Variants in PCDHA10 observed in about 807,000 individuals in gnomAD.
PCDHA10 encodes the protein protocadherin alpha-10.
In PCDHA10, 45 loss-of-function variants were observed where a neutral mutation model predicts 61.2. The ratio of observed to expected loss-of-function variants is 0.74; its 90% CI spans 0.58 to 0.94. The LOEUF is 0.94. Among genes scored for constraint, PCDHA10 ranks in the 40% least tolerant of loss-of-function variants. The pLI is 0.00. For missense variants in PCDHA10, 1,278 were observed against 1,236.2 expected (o/e 1.03, Z -0.51); for synonymous variants, 602 against 548.8 (o/e 1.10, Z -1.35).
Position 140,857,652 on chromosome 5 carries a change from G to A in PCDHA10, c.1604G>A (p.Ser535Asn). ...CTGGAGCTGCTACAGTTCCAGGTGA[G>A]CGCGCGCGATGGGGGCGTGCCGCCT... ...EELELLQFQV[S>N]ARDGGVPPLG... The change falls in exon 1 of 4, where the codon AGC becomes AAC. Residue 535 changes from serine (S) to asparagine (N), a missense_variant. Physicochemically the swap from Ser to Asn is conservative, Grantham distance 46. Transcript: ENST00000307360. The A allele has an allele frequency of 2.5e-6, 4 of 1,596,610 alleles. No individual in the cohort carries two copies. Among genetic ancestry groups the A allele is most frequent in the Admixed American group, 1.7e-5 (1 of 59,280 alleles).
chr5:140,882,656 C>G, intron 1 of PCDHA10: 2 of 1,614,192 alleles, frequency 1.2e-6, no homozygotes, highest in Middle Eastern at 1.6e-4. Flanking sequence ...TAACGACAAC[C>G]CGCCCATATT....
chr5:140,870,078 G>A, intron 1 of PCDHA10: 1 of 1,613,838 alleles, frequency 6.2e-7, no homozygotes, highest in South Asian at 1.1e-5. Flanking sequence ...CAGATAAGGG[G>A]ACTCCCCCAA....
At position 140,876,752 on chromosome 5, in the gene PCDHA10, C is replaced by G. The variant is rs374137138; in HGVS notation, c.2388+18316C>G. On this transcript the variant is annotated intron_variant, in intron 1 of 3. Coordinates refer to ENST00000307360, the MANE Select transcript of PCDHA10 (RefSeq NM_018901.4). ...TCGGCCTATGAGCTGGTGGTGACTGCGCGGGATGGGGGCTCGCCTTCGCTG... is the reference window on the plus strand; with the variant it reads ...TCGGCCTATGAGCTGGTGGTGACTGGGCGGGATGGGGGCTCGCCTTCGCTG... 1.4e-5 allele frequency: 23 copies of G among 1,614,194 alleles called. No homozygotes were observed. The African/African-American group carries it at 2.8e-4, about 20-fold the overall frequency.
rs781865422 is a variant in PCDHA10, at chr5:140,871,237, C to T, written c.2388+12801C>T. 26 of 1,613,866 alleles carry T rather than the reference C, an allele frequency of 1.6e-5. 1 individual carries two copies. In the South Asian group the frequency reaches 2.3e-4, roughly 14 times the overall value. The stretch of plus-strand genomic sequence containing the variant: ...CTGCGTGGTGTCCAGCCTCCTGGTA[C>T]TCACGCTGCTGCTGTATACGGCGCT... On this transcript the variant is annotated intron_variant, in intron 1 of 3. Coordinates refer to ENST00000307360, the MANE Select transcript of PCDHA10 (RefSeq NM_018901.4).
intron 3 of PCDHA10, among the ~76,000 whole-genome samples, chr5:140,995,545 T>C (rs998594175): frequency 1.3e-5 from 2 of 152,206 alleles, no homozygotes; most frequent in Non-Finnish European, 2.9e-5. Flanking sequence ...TAAGGGGCGA[T>C]CACTGTACTG....
chr5:140,895,874 C>T (rs1051774060), intron 1 of PCDHA10, among the ~76,000 whole-genome samples: 5 of 152,120 alleles, frequency 3.3e-5, no homozygotes, highest in Admixed American at 2.6e-4. Context: ...TGCAATGGCG[C>T]GATCTCGGCT....
chr5:140,968,899 A>T (rs782594245), intron 1 of PCDHA10: 7 of 1,614,130 alleles, frequency 4.3e-6, no homozygotes, highest in Non-Finnish European at 5.1e-6. Flanking sequence ...TAATAATAGC[A>T]TTAAGCACAG....
intron 1 of PCDHA10, among the ~76,000 whole-genome samples, chr5:140,888,521 C>A (rs191011552): frequency 1.3e-5 from 2 of 152,142 alleles, no homozygotes; most frequent in African/African-American, 2.4e-5. Context: ...TTAGTTCTGA[C>A]GTGAAGTTAA....
At chr5:140,915,244 G>A (rs1440851135) in intron 1 of PCDHA10, among the ~76,000 whole-genome samples, 2 of 152,058 alleles carry the variant, frequency 1.3e-5, no homozygotes, top group Non-Finnish European at 2.9e-5. Flanking sequence ...ACCATGCCTG[G>A]CCAGGTTGTT....
intron 1 of PCDHA10, chr5:140,864,667 T>G (rs1234979234): frequency 2.6e-5 from 4 of 152,252 alleles, no homozygotes; most frequent in Non-Finnish European, 5.9e-5. Context: ...AATTACCTGT[T>G]GACTTAATTG....
At chr5:140,926,947 G>C in intron 1 of PCDHA10, 1 of 1,590,600 alleles carries the variant, frequency 6.3e-7, no homozygotes, top group Non-Finnish European at 8.6e-7. Context: ...CGGCGCTGCA[G>C]CGGGACAGCT....
At chr5:140,899,405 T>G (rs1369333627) in intron 1 of PCDHA10, among the ~76,000 whole-genome samples, 3 of 152,204 alleles carry the variant, frequency 2.0e-5, no homozygotes, top group Non-Finnish European at 4.4e-5. Flanking sequence ...CATGAAGGGT[T>G]GTTGAATTTT....
At chr5:140,967,518 A>T (rs1554229639) in intron 1 of PCDHA10, 1 of 1,612,930 alleles carries the variant, frequency 6.2e-7, no homozygotes, top group Non-Finnish European at 8.5e-7. Flanking sequence ...CTGGACACTA[A>T]CGACAACTCT....
In PCDHA10 at chr5:140,984,898, A is replaced by G. The variant is rs551340383; in HGVS notation, c.2536+2335A>G. ...GTTACCATGAGAACTAAAGGAGAAA[A>G]AAAGAACTGAGCATAGTGCTTGACA... On this transcript the variant is annotated intron_variant, in intron 3 of 3. Transcript: ENST00000307360. Among the ~76,000 whole-genome samples, 21 of 152,282 alleles carry G rather than the reference A, an allele frequency of 1.4e-4. No individual in the cohort carries two copies. The South Asian group carries it at 4.4e-3, about 32-fold the overall frequency.
intron 1 of PCDHA10, among the ~76,000 whole-genome samples, chr5:140,932,100 CTG>C (rs2088033860): frequency 6.6e-6 from 1 of 151,792 alleles, no homozygotes; most frequent in African/African-American, 2.4e-5. Context: ...GTTTTTATCT[CTG>C]TATTTCCAAT....
chr5:140,868,759 T>G, intron 1 of PCDHA10: 1 of 230,962 alleles, frequency 4.3e-6, no homozygotes, highest in Non-Finnish European at 8.5e-6. Context: ...TCCATATATA[T>G]TTAGTTTCAA....
At chr5:140,927,526 G>T in intron 1 of PCDHA10, 3 of 1,614,086 alleles carry the variant, frequency 1.9e-6, no homozygotes, top group Non-Finnish European at 2.5e-6. Flanking sequence ...CGGGCTACCT[G>T]CCCGCTCAGG....
chr5:140,924,527 G>T (rs2081885403), intron 1 of PCDHA10, among the ~76,000 whole-genome samples: 1 of 152,074 alleles, frequency 6.6e-6, no homozygotes. Context: ...AAAAGAGAAT[G>T]CCCGAGCTAC....
rs376026810 is a variant in PCDHA10 at position 140,944,280 on chromosome 5, C to T, written c.2389-34669C>T. 2.0e-4 allele frequency among the ~76,000 whole-genome samples: 31 copies of T among 152,226 alleles called. 1 individual carries two copies. The South Asian group carries it at 2.9e-3, about 14-fold the overall frequency. Reference sequence around the variant, plus strand: ...ACTGCTCACTGCAGCCTTGACACCCCGGGCTCAAGCGATCCTCCTACCTCA... The same window carrying T: ...ACTGCTCACTGCAGCCTTGACACCCTGGGCTCAAGCGATCCTCCTACCTCA... On this transcript the variant is annotated intron_variant, in intron 1 of 3. Coordinates refer to ENST00000307360, the MANE Select transcript of PCDHA10 (RefSeq NM_018901.4).
Sources: gnomAD v4.1 joint callset for allele counts (sites outside exome capture counted in the v4.1 genomes callset) on GRCh38, gnomAD v4.1.1 for gene constraint, MANE v1.5 for transcripts, NCBI Gene and HGNC (gene_info 2026-07-23, HGNC 2026-07-21) for gene names.